Variants in REXO5 observed in about 807,000 individuals in gnomAD.
REXO5 encodes the protein RNA exonuclease 5.
REXO5 carries 48 observed loss-of-function variants against 88.5 expected under a neutral mutation model. The observed-to-expected ratio is 0.54, with a 90% confidence interval of 0.43 to 0.69. REXO5 has a LOEUF of 0.69. Ranked by LOEUF, REXO5 falls within the 30% of genes least tolerant of loss-of-function variation. The pLI is 0.00. For missense variants in REXO5, 749 were observed against 912.2 expected, an observed-to-expected ratio of 0.82 and a Z score of 2.30; for synonymous variants, 311 against 336.5, an observed-to-expected ratio of 0.92 and a Z score of 0.83.
intron 19 of REXO5, among the ~76,000 whole-genome samples, chr16:20,848,479 T>G (rs1162086441): frequency 6.6e-6 from 1 of 152,218 alleles, no homozygotes; most frequent in African/African-American, 2.4e-5. Flanking sequence ...TAGGGTCACA[T>G]AGCTAGTAAG....
At chr16:20,841,764 C>A (rs2081531161) in intron 15 of REXO5, among the ~76,000 whole-genome samples, 1 of 152,120 alleles carries the variant, frequency 6.6e-6, no homozygotes, top group Admixed American at 6.6e-5. Flanking sequence ...TGCCCCCACG[C>A]CTGGCTAATT....
chr16:20,843,730 T>C (rs1253986485), intron 15 of REXO5, among the ~76,000 whole-genome samples: 2 of 152,196 alleles, frequency 1.3e-5, no homozygotes, highest in East Asian at 3.8e-4. Flanking sequence ...AATGACAAAG[T>C]TATTTGTTGT....
chr16:20,831,546 T>G (rs563486510), intron 11 of REXO5, among the ~76,000 whole-genome samples: 11 of 152,172 alleles, frequency 7.2e-5, no homozygotes, highest in Non-Finnish European at 1.3e-4. Context: ...ATATGGGAAC[T>G]CTGTACTATT....
chr16:20,844,495 A>C (rs752499613), intron 16 of REXO5, 134 bp from the exon 17 acceptor site: 1 of 667,746 alleles, frequency 1.5e-6, no homozygotes, highest in Non-Finnish European at 2.5e-6. Context: ...TTCCTTTTAC[A>C]GAAAAGAAAA....
At chr16:20,839,371 ATT>A (rs760106372) in intron 13 of REXO5, among the ~76,000 whole-genome samples, 2 of 141,228 alleles carry the variant, frequency 1.4e-5, no homozygotes. Flanking sequence ...ATGCCCCTTG[ATT>A]TTTTTTTTTT....
intron 6 of REXO5, among the ~76,000 whole-genome samples, chr16:20,822,259 C>T (rs1293295322): frequency 1.3e-5 from 2 of 152,168 alleles, no homozygotes; most frequent in African/African-American, 2.4e-5. Flanking sequence ...TCCAGTACTT[C>T]TAATTCTCCT....
chr16:20,840,122 ACATAG>A lies in REXO5; in HGVS notation c.1489-208_1489-204del, dbSNP rs2081503754. 4 of 532,476 alleles carry A rather than the reference ACATAG, an allele frequency of 7.5e-6. No individual in the cohort carries two copies. In the East Asian group the frequency reaches 1.2e-4, roughly 15 times the overall value. The allele number at this position is 532,476 out of a possible 1,614,324, so 33.0% of individuals were successfully genotyped here. On this transcript the variant is annotated intron_variant, in intron 14 of 19. Coordinates refer to ENST00000261377, the MANE Select transcript of REXO5 (RefSeq NM_030941.3). ...CTTATTTCCCTTGTTTTTAATGGCT[ACATAG>A]TATTCTGCTATATGATATACCTATT...
At position 20,844,796 on chromosome 16, in the gene REXO5, C is replaced by A. The variant is rs199558198; in HGVS notation, c.1887C>A (p.Ile629=). Residue 629 remains isoleucine (I), a synonymous_variant, in exon 17 of 20, where the codon ATC becomes ATA. Transcript: ENST00000261377. The part of the protein sequence containing the change: ...PRLFLGLEAV[I]LPKDLKSGKQ... ...TCTTTCTTGGCCTGGAAGCTGTGAT[C>A]TTGCCTAAAGATCTTAAAAGTGGAA... 6.0e-5 allele frequency: 97 copies of A among 1,614,148 alleles called. 2 individuals are homozygous for A. In the East Asian group the frequency reaches 2.1e-3, roughly 36 times the overall value.
intron 11 of REXO5, among the ~76,000 whole-genome samples, chr16:20,831,246 T>C (rs1406874353): frequency 6.6e-6 from 1 of 152,172 alleles, no homozygotes; most frequent in Admixed American, 6.5e-5. Context: ...AGAAAACAAG[T>C]GGCTTTTCAT....
At chr16:20,835,435 T>G (rs2081411631) in intron 13 of REXO5, among the ~76,000 whole-genome samples, 1 of 152,242 alleles carries the variant, frequency 6.6e-6, no homozygotes, top group Non-Finnish European at 1.5e-5. Context: ...AAACCATTCC[T>G]GGCCTTGTGT....
At position 20,821,842 on chromosome 16, in the gene REXO5, G is replaced by T; in HGVS notation, c.556G>T (p.Gly186Cys). The part of the protein sequence containing the change: ...IIQKYGSKKV[G>C]LTRCLLTKEE... ...TCAAAAGTATGGCTCTAAGAAAGTG[G>T]GCTTGACCAGATGCCTTCTGACAAA... The change falls in exon 6 of 20, where the codon GGC becomes TGC. Residue 186 changes from glycine (G) to cysteine (C), a missense_variant. Transcript: ENST00000261377. 1 of 1,606,844 alleles carries T rather than the reference G, an allele frequency of 6.2e-7. No homozygotes were observed. Among genetic ancestry groups the T allele is most frequent in the Non-Finnish European group, 8.5e-7 (1 of 1,177,714 alleles).
At chr16:20,835,846 G>A (rs1220610445) in intron 13 of REXO5, among the ~76,000 whole-genome samples, 1 of 152,096 alleles carries the variant, frequency 6.6e-6, no homozygotes, top group Non-Finnish European at 1.5e-5. Context: ...CCAGGAGTTT[G>A]AGACTGACCT....
At position 20,835,570 on chromosome 16, in the gene REXO5, A is replaced by G. The variant is rs1403538491; in HGVS notation, c.1383+2447A>G. Among the ~76,000 whole-genome samples, 10 of 152,210 alleles carry G rather than the reference A, an allele frequency of 6.6e-5. No individual in the cohort carries two copies. In the East Asian group the frequency reaches 9.7e-4, roughly 15 times the overall value. ...TTTGAGGGGGATTATTTATAGATCT[A>G]TCGGTTTCCTATCTTTAAGGATCAC... is the stretch of plus-strand genomic sequence containing the variant. On this transcript the variant is annotated intron_variant, in intron 13 of 19. Transcript: ENST00000261377.
At position 20,844,885 on chromosome 16, in the gene REXO5, CTGGGG is replaced by C. The variant is rs2081583332; in HGVS notation, c.1936+41_1936+45del. Reference sequence around the variant, plus strand: ...CTGAATGTAGCTTTGGGGAAGGAAACTGGGGATGGTGATAACATGAGGTCAGAGAA... The same window carrying C: ...CTGAATGTAGCTTTGGGGAAGGAAACATGGTGATAACATGAGGTCAGAGAA... On this transcript the variant is annotated intron_variant, in intron 17 of 19. Transcript: ENST00000261377. 2.5e-6 allele frequency: 4 copies of C among 1,584,854 alleles called. No homozygotes were observed. The African/African-American group carries it at 4.0e-5, about 16-fold the overall frequency.
intron 8 of REXO5, among the ~76,000 whole-genome samples, chr16:20,826,319 GC>G (rs3214178): frequency 0.16 from 24,025 of 152,156 alleles, 2,564 homozygotes; most frequent in East Asian, 0.42. Context: ...AGCTTAATCT[GC>G]CTTGACCCCC....
intron 7 of REXO5, 161 bp from the exon 8 acceptor site, chr16:20,825,672 G>C: frequency 3.4e-6 from 2 of 586,602 alleles, no homozygotes; most frequent in South Asian, 4.4e-5. Flanking sequence ...AGCCTGCCCA[G>C]CTTTAATTTC....
chr16:20,809,285 A>T (rs1369992552), intron 2 of REXO5, among the ~76,000 whole-genome samples: 1 of 152,220 alleles, frequency 6.6e-6, no homozygotes, highest in Non-Finnish European at 1.5e-5. Context: ...CTATAAACCT[A>T]CATAATCACA....
chr16:20,839,517 T>C (rs572591473), intron 13 of REXO5, among the ~76,000 whole-genome samples: 1 of 152,304 alleles, frequency 6.6e-6, no homozygotes, highest in South Asian at 2.1e-4. Flanking sequence ...CCTTGTCTCT[T>C]AGTAATGCCG....
intron 13 of REXO5, among the ~76,000 whole-genome samples, chr16:20,838,013 C>A (rs2081462589): frequency 1.3e-5 from 2 of 152,138 alleles, no homozygotes; most frequent in Admixed American, 1.3e-4. Context: ...AATATCTTCC[C>A]ACCTTGGCTT....
Sources: gnomAD v4.1 joint callset for allele counts (sites outside exome capture counted in the v4.1 genomes callset) on GRCh38, gnomAD v4.1.1 for gene constraint, MANE v1.5 for transcripts, NCBI Gene and HGNC (gene_info 2026-07-23, HGNC 2026-07-21) for gene names.